DLG2: variants seen among roughly 807,000 people sequenced by gnomAD.
The protein encoded by DLG2 is discs large MAGUK scaffold protein 2, also known as disks large homolog 2.
In DLG2, 45 loss-of-function variants were observed where a neutral mutation model predicts 132.5. The observed-to-expected ratio is 0.34, with a 90% CI of 0.27 to 0.44. DLG2 has a LOEUF of 0.44. DLG2 is among the 20% of genes least tolerant of loss of function. The probability of loss-of-function intolerance (pLI) is 1.00; values close to 1 mark genes in which losing one functional copy is unlikely to be tolerated. For synonymous variants in DLG2, 424 were observed against 419.6 expected (o/e 1.01, Z -0.13); for missense variants, 1,045 against 1,196.9 (o/e 0.87, Z 1.87).
At chr11:85,466,222 A>G (rs2092784265) in intron 3 of DLG2, among the ~76,000 whole-genome samples, 2 of 152,158 alleles carry the variant, frequency 1.3e-5, no homozygotes, top group South Asian at 4.1e-4. Flanking sequence ...CCTTTGTCAG[A>G]CGAGTAAATT....
At chr11:84,991,934 T>A (rs1002553357) in intron 6 of DLG2, among the ~76,000 whole-genome samples, 6 of 152,252 alleles carry the variant, frequency 3.9e-5, no homozygotes, top group African/African-American at 1.4e-4. Flanking sequence ...AAATTCTTTT[T>A]GGTCTAAATT....
At chr11:85,619,292 C>T (rs1438896150) in intron 2 of DLG2, among the ~76,000 whole-genome samples, 1 of 152,154 alleles carries the variant, frequency 6.6e-6, no homozygotes, top group Admixed American at 6.5e-5. Context: ...ATCCTCCAGT[C>T]TCAGCCTCCC....
rs2092877396 is a variant in DLG2, at chr11:84,923,842, C to A, written c.357+187819G>T. Among the ~76,000 whole-genome samples, 4 of 152,250 alleles carry A rather than the reference C, an allele frequency of 2.6e-5. No individual in the cohort carries two copies. The South Asian group carries it at 8.3e-4, about 32-fold the overall frequency. On this transcript the variant is annotated intron_variant, in intron 6 of 27. Transcript: ENST00000376104. The stretch of plus-strand genomic sequence containing the variant: ...AGTACCACCTTCTCCTACTTCCCTG[C>A]CCTGTTACATCTTTTAGAGCTATCT...
intron 6 of DLG2, among the ~76,000 whole-genome samples, chr11:84,860,751 T>C (rs1365503157): frequency 6.6e-6 from 1 of 151,914 alleles, no homozygotes; most frequent in Non-Finnish European, 1.5e-5. Flanking sequence ...TGGAATATTA[T>C]GCATTAGTAT....
At chr11:84,106,374 C>A (rs1200948207) in intron 9 of DLG2, among the ~76,000 whole-genome samples, 2 of 152,112 alleles carry the variant, frequency 1.3e-5, no homozygotes, top group Non-Finnish European at 2.9e-5. Flanking sequence ...AGCCCCAGGT[C>A]TATTACTAGG....
chr11:84,378,556 C>T (rs988370699), intron 7 of DLG2, among the ~76,000 whole-genome samples: 7 of 151,942 alleles, frequency 4.6e-5, no homozygotes, highest in Admixed American at 2.6e-4. Context: ...AAAAATCTCG[C>T]CTGAGAATTT....
At chr11:83,812,606 T>G (rs1207988952) in intron 17 of DLG2, among the ~76,000 whole-genome samples, 1 of 152,198 alleles carries the variant, frequency 6.6e-6, no homozygotes, top group Non-Finnish European at 1.5e-5. Context: ...TGAGATTCAC[T>G]GTTTTGGTCT....
intron 6 of DLG2, among the ~76,000 whole-genome samples, chr11:84,901,172 T>A (rs1184411376): frequency 1.3e-5 from 2 of 152,036 alleles, no homozygotes; most frequent in Non-Finnish European, 2.9e-5. Context: ...TCCCCAACAA[T>A]AGCCATAATA....
intron 6 of DLG2, among the ~76,000 whole-genome samples, chr11:84,753,449 G>C (rs899288690): frequency 3.3e-5 from 5 of 152,184 alleles, no homozygotes; most frequent in African/African-American, 1.2e-4. Context: ...TTTGAATATA[G>C]AGCTTATAGG....
At chr11:84,612,309 T>A (rs1019002293) in intron 6 of DLG2, among the ~76,000 whole-genome samples, 3 of 152,190 alleles carry the variant, frequency 2.0e-5, no homozygotes, top group Admixed American at 2.0e-4. Context: ...TGTCACAATT[T>A]TTTTTTTCAG....
At chr11:85,304,703 A>G (rs2152799410) in intron 3 of DLG2, among the ~76,000 whole-genome samples, 1 of 152,276 alleles carries the variant, frequency 6.6e-6, no homozygotes, top group South Asian at 2.1e-4. Flanking sequence ...TTTCCGATAA[A>G]CGATACTCAA....
intron 10 of DLG2, among the ~76,000 whole-genome samples, chr11:84,093,051 G>C (rs1036605642): frequency 6.9e-6 from 1 of 145,044 alleles, no homozygotes; most frequent in African/African-American, 2.6e-5. Context: ...AAAAAAAAAA[G>C]AAAGAAAGAA....
At chr11:85,443,858 T>C (rs1188694191) in intron 3 of DLG2, among the ~76,000 whole-genome samples, 1 of 152,234 alleles carries the variant, frequency 6.6e-6, no homozygotes, top group Non-Finnish European at 1.5e-5. Context: ...TTCTTTGGTG[T>C]GTGTGAATCA....
At chr11:83,503,243 AG>A (rs1248808168) in intron 21 of DLG2, among the ~76,000 whole-genome samples, 1 of 150,896 alleles carries the variant, frequency 6.6e-6, no homozygotes, top group African/African-American at 2.4e-5. Flanking sequence ...GGAGCAAGAT[AG>A]GGAGGTTATT....
intron 2 of DLG2, among the ~76,000 whole-genome samples, chr11:85,614,446 G>A (rs2081209472): frequency 6.6e-6 from 1 of 152,120 alleles, no homozygotes; most frequent in Non-Finnish European, 1.5e-5. Flanking sequence ...TTCAAGACCA[G>A]CCTGACCAAC....
chr11:85,542,606 T>C (rs1238167934), intron 3 of DLG2, among the ~76,000 whole-genome samples: 1 of 152,212 alleles, frequency 6.6e-6, no homozygotes, highest in Non-Finnish European at 1.5e-5. Flanking sequence ...AATCCTGACT[T>C]GTTGGCTCTG....
At chr11:84,265,667 CA>C (rs2097614570) in intron 7 of DLG2, among the ~76,000 whole-genome samples, 1 of 151,872 alleles carries the variant, frequency 6.6e-6, no homozygotes, top group South Asian at 2.1e-4. Context: ...AAAATTGTAA[CA>C]AGATAAATAA....
chr11:85,343,763 G>A (rs1230063883), intron 3 of DLG2, among the ~76,000 whole-genome samples: 2 of 152,168 alleles, frequency 1.3e-5, no homozygotes, highest in Non-Finnish European at 2.9e-5. Flanking sequence ...ACCTGATAGA[G>A]CAGCGAGGAA....
chr11:85,387,443 A>G (rs1042990185), intron 3 of DLG2, among the ~76,000 whole-genome samples: 1 of 152,228 alleles, frequency 6.6e-6, no homozygotes, highest in Non-Finnish European at 1.5e-5. Context: ...TTTAAATACA[A>G]GCCTTACTAG....
Sources: allele counts gnomAD v4.1 joint callset (sites outside exome capture counted in the v4.1 genomes callset), GRCh38; gene constraint gnomAD v4.1.1; transcripts MANE v1.5; gene names NCBI Gene and HGNC (gene_info 2026-07-23, HGNC 2026-07-21).